The following SIL1 variants were observed in gnomAD, a reference collection of about 807,000 sequenced individuals.
The protein encoded by SIL1 is SIL1 nucleotide exchange factor, also known as nucleotide exchange factor SIL1.
A neutral mutation model predicts 49.1 loss-of-function variants in SIL1; 40 were observed. The ratio of observed to expected loss-of-function variants is 0.81; its 90% confidence interval spans 0.63 to 1.06. The LOEUF (loss-of-function observed/expected upper bound fraction) is 1.06, where lower values mean the gene tolerates loss of function less well. Among genes scored for constraint, SIL1 ranks in the 50% least tolerant of loss-of-function variants. The pLI is 0.00. For missense variants in SIL1, 500 were observed against 572.6 expected (o/e 0.87, Z 1.29); for synonymous variants, 253 against 250.8 (o/e 1.01, Z -0.08).
At chr5:139,102,881 A>T (rs1770624354) in intron 3 of SIL1, among the ~76,000 whole-genome samples, 1 of 151,692 alleles carries the variant, frequency 6.6e-6, no homozygotes, top group African/African-American at 2.4e-5. Context: ...CGCCTGGCTA[A>T]TTTTGTATTT....
intron 7 of SIL1, among the ~76,000 whole-genome samples, chr5:138,970,689 G>A (rs1467477785): frequency 2.0e-5 from 3 of 152,100 alleles, no homozygotes; most frequent in Non-Finnish European, 4.4e-5. Flanking sequence ...CCTCCCAAGT[G>A]GTATAGAATT....
intron 7 of SIL1, among the ~76,000 whole-genome samples, chr5:138,983,230 C>T (rs1347696468): frequency 1.5e-5 from 2 of 134,394 alleles, no homozygotes; most frequent in African/African-American, 5.7e-5. Context: ...AAAAAAAGGC[C>T]GGGCGCGGTG....
chr5:139,160,467 C>T (rs1219606554), intron 1 of SIL1, among the ~76,000 whole-genome samples: 1 of 152,132 alleles, frequency 6.6e-6, no homozygotes, highest in Non-Finnish European at 1.5e-5. Context: ...AGCTGTTCTA[C>T]CAAAAAACTA....
At chr5:139,093,133 C>T (rs552247325) in intron 3 of SIL1, among the ~76,000 whole-genome samples, 2 of 152,098 alleles carry the variant, frequency 1.3e-5, no homozygotes, top group Non-Finnish European at 2.9e-5. Flanking sequence ...TCTTTTGTTC[C>T]CCCCCACAAA....
chr5:139,025,306 G>A (rs1334902849), intron 6 of SIL1, among the ~76,000 whole-genome samples: 1 of 152,162 alleles, frequency 6.6e-6, no homozygotes, highest in Non-Finnish European at 1.5e-5. Context: ...AGAGTTTAGG[G>A]TCAGACAGAC....
At position 139,056,805 on chromosome 5, in the gene SIL1, G is replaced by A. The variant is rs931733194; in HGVS notation, c.245-5759C>T. Among the ~76,000 whole-genome samples, 82 of 151,904 alleles carry A rather than the reference G, an allele frequency of 5.4e-4. 1 individual carries two copies. The highest frequency in any genetic ancestry group is 9.2e-4 in the Admixed American group (14 of 15,272). On this transcript the variant is annotated intron_variant, in intron 3 of 9. Transcript: ENST00000394817. ...AGCCCCTCTGCCCGGCCACCACCCCGTCTGGGAGGTGTACCCAACAGCTCA... is the reference window on the plus strand; with the variant it reads ...AGCCCCTCTGCCCGGCCACCACCCCATCTGGGAGGTGTACCCAACAGCTCA...
chr5:138,961,456 G>A (rs1356878210), intron 7 of SIL1, among the ~76,000 whole-genome samples: 1 of 152,226 alleles, frequency 6.6e-6, no homozygotes, highest in African/African-American at 2.4e-5. Context: ...TAAGCAGTAA[G>A]GACAGAGATG....
chr5:139,042,119 C>A (rs776154379), intron 5 of SIL1, among the ~76,000 whole-genome samples: 32 of 152,198 alleles, frequency 2.1e-4, no homozygotes, highest in Admixed American at 1.3e-3. Flanking sequence ...TCCTCTTGTT[C>A]CAGCCCCATG....
intron 3 of SIL1, among the ~76,000 whole-genome samples, chr5:139,100,808 G>C (rs1455141090): frequency 2.0e-5 from 3 of 152,122 alleles, no homozygotes; most frequent in Non-Finnish European, 2.9e-5. Context: ...ATTAACTGAA[G>C]TGGGGAAAGC....
At chr5:139,016,470 C>A (rs1768400672) in intron 7 of SIL1, among the ~76,000 whole-genome samples, 2 of 151,954 alleles carry the variant, frequency 1.3e-5, no homozygotes, top group South Asian at 4.2e-4. Context: ...ATAGATAGTA[C>A]CATTATGGGA....
intron 7 of SIL1, among the ~76,000 whole-genome samples, chr5:139,003,142 T>A (rs1561822887): frequency 6.6e-6 from 1 of 151,884 alleles, no homozygotes; most frequent in Non-Finnish European, 1.5e-5. Context: ...GACTCTAGTA[T>A]TCTCTGTGTG....
intron 1 of SIL1, among the ~76,000 whole-genome samples, chr5:139,159,338 C>T (rs1020136516): frequency 6.6e-6 from 1 of 152,214 alleles, no homozygotes; most frequent in African/African-American, 2.4e-5. Flanking sequence ...GGGCCGGAAG[C>T]CCTGCTGCTT....
chr5:139,149,016 G>A (rs571592632), intron 1 of SIL1, among the ~76,000 whole-genome samples: 1 of 152,148 alleles, frequency 6.6e-6, no homozygotes, highest in East Asian at 1.9e-4. Context: ...TAATATCACA[G>A]ACTCTCACCC....
At chr5:139,173,252 A>T (rs1168733243) in intron 1 of SIL1, among the ~76,000 whole-genome samples, 1 of 152,192 alleles carries the variant, frequency 6.6e-6, no homozygotes, top group East Asian at 1.9e-4. Flanking sequence ...TAAAGAATAT[A>T]CACCAAAAAA....
intron 1 of SIL1, among the ~76,000 whole-genome samples, chr5:139,172,331 G>A (rs1026686411): frequency 1.3e-5 from 2 of 152,144 alleles, no homozygotes; most frequent in Non-Finnish European, 2.9e-5. Flanking sequence ...GAAAGACAAA[G>A]GGCCAGGTAT....
At chr5:139,062,737 C>G (rs1267614372) in intron 3 of SIL1, among the ~76,000 whole-genome samples, 3 of 152,256 alleles carry the variant, frequency 2.0e-5, no homozygotes, top group Non-Finnish European at 2.9e-5. Flanking sequence ...GAACCATCAT[C>G]AGCACAAGGC....
At chr5:138,961,951 AC>A (rs1318006705) in intron 7 of SIL1, among the ~76,000 whole-genome samples, 33 of 113,548 alleles carry the variant, frequency 2.9e-4, no homozygotes, top group South Asian at 5.8e-4. Context: ...TGTTCTCTAG[AC>A]TTTTTTTTTT....
chr5:138,976,950 A>T (rs1767406463), intron 7 of SIL1, among the ~76,000 whole-genome samples: 1 of 152,150 alleles, frequency 6.6e-6, no homozygotes, highest in Admixed American at 6.5e-5. Context: ...AGCTTCTCAC[A>T]CATCCTGAGC....
intron 4 of SIL1, among the ~76,000 whole-genome samples, chr5:139,044,969 C>G (rs1025248500): frequency 6.6e-6 from 1 of 152,166 alleles, no homozygotes; most frequent in African/African-American, 2.4e-5. Context: ...ATCAAAATTA[C>G]CAATAATTGA....
Sources: gnomAD v4.1 joint callset for allele counts (sites outside exome capture counted in the v4.1 genomes callset) on GRCh38, gnomAD v4.1.1 for gene constraint, MANE v1.5 for transcripts, NCBI Gene and HGNC (gene_info 2026-07-23, HGNC 2026-07-21) for gene names.